Variants in FAM13A observed in about 807,000 individuals in gnomAD.
The protein encoded by FAM13A is family with sequence similarity 13 member A.
In FAM13A, 76 loss-of-function variants were observed where a neutral mutation model predicts 129.6. The observed-to-expected ratio is 0.59, with a 90% CI of 0.49 to 0.71. The LOEUF is 0.71. Ranked by LOEUF, FAM13A falls within the 30% of genes least tolerant of loss-of-function variation. The pLI is 0.00. For missense variants in FAM13A, 1,108 were observed against 1,249.3 expected (o/e 0.89, Z 1.70); for synonymous variants, 443 against 449.9 (o/e 0.98, Z 0.20).
rs191809901 is a variant in FAM13A, at chr4:89,055,649, T to G, written c.27+1289A>C. Among the ~76,000 whole-genome samples the G allele has an allele frequency of 7.2e-5, 11 of 152,242 alleles. No homozygotes were observed. In the East Asian group the frequency reaches 1.5e-3, roughly 21 times the overall value. ...TTCTGTATTGTTTCTTTTATAAAGC[T>G]AGAAAAATAGAAGGGCCACCTCTGC... On this transcript the variant is annotated intron_variant, in intron 1 of 23. Coordinates refer to ENST00000264344, the MANE Select transcript of FAM13A (RefSeq NM_014883.4).
At chr4:89,015,111 C>T (rs559425265) in intron 3 of FAM13A, among the ~76,000 whole-genome samples, 74 of 152,234 alleles carry the variant, frequency 4.9e-4, no homozygotes, top group Non-Finnish European at 9.7e-4. Flanking sequence ...TCTCCTGTAG[C>T]GCTCCCAGGC....
intron 7 of FAM13A, chr4:88,823,192 T>C (rs1732377823): frequency 2.1e-6 from 3 of 1,453,160 alleles, no homozygotes; most frequent in East Asian, 4.9e-5. Flanking sequence ...TCCAAACTTC[T>C]TCAGGCAATG....
intron 5 of FAM13A, among the ~76,000 whole-genome samples, chr4:88,917,941 C>A (rs1379763023): frequency 6.6e-6 from 1 of 152,094 alleles, no homozygotes; most frequent in Non-Finnish European, 1.5e-5. Context: ...TGAGAAGACT[C>A]AAAAACTGAG....
At chr4:88,756,598 T>C (rs1452323618) in intron 14 of FAM13A, among the ~76,000 whole-genome samples, 6 of 152,196 alleles carry the variant, frequency 3.9e-5, no homozygotes, top group African/African-American at 9.6e-5. Flanking sequence ...AGGAGGTTTT[T>C]GGTAATTATG....
At chr4:88,749,329 C>T (rs1027547239) in intron 16 of FAM13A, among the ~76,000 whole-genome samples, 2 of 152,118 alleles carry the variant, frequency 1.3e-5, no homozygotes, top group Admixed American at 6.6e-5. Flanking sequence ...ACCTGTAAGA[C>T]GAACAGTGTA....
At chr4:88,796,692 A>G (rs1395134600) in intron 8 of FAM13A, among the ~76,000 whole-genome samples, 1 of 149,764 alleles carries the variant, frequency 6.7e-6, no homozygotes, top group African/African-American at 2.4e-5. Context: ...ACTCTTTTGC[A>G]AATGGTATAG....
intron 13 of FAM13A, chr4:88,759,598 G>A (rs990813966): frequency 2.6e-5 from 4 of 152,134 alleles, no homozygotes; most frequent in African/African-American, 4.8e-5. Flanking sequence ...ATTACACAGG[G>A]AGCAATTTTT....
intron 5 of FAM13A, among the ~76,000 whole-genome samples, chr4:88,924,093 AG>A (rs1217697601): frequency 6.6e-6 from 1 of 152,236 alleles, no homozygotes; most frequent in Non-Finnish European, 1.5e-5. Flanking sequence ...GCTCATGGGT[AG>A]GAAGAATCAA....
intron 2 of FAM13A, among the ~76,000 whole-genome samples, chr4:89,028,815 A>G (rs1455372934): frequency 1.3e-5 from 2 of 152,054 alleles, no homozygotes; most frequent in African/African-American, 4.8e-5. Flanking sequence ...CATTCTCTCA[A>G]CTTATCCAGA....
chr4:88,977,147 A>G lies in FAM13A; in HGVS notation c.605+13826T>C, dbSNP rs1299829142. 2.0e-5 allele frequency among the ~76,000 whole-genome samples: 3 copies of G among 152,202 alleles called. No individual in the cohort carries two copies. In the East Asian group the frequency reaches 5.8e-4, roughly 29 times the overall value. On this transcript the variant is annotated intron_variant, in intron 4 of 23. Coordinates refer to ENST00000264344, the MANE Select transcript of FAM13A (RefSeq NM_014883.4). The stretch of plus-strand genomic sequence containing the variant: ...GTACAGTAAGAGGTTAACAACAATA[A>G]CTAATAGTAAAATAGAACAATTACA...
Position 88,747,703 on chromosome 4 carries a change from T to C in FAM13A, c.2310A>G (p.Glu770=). ...LVDKAIKPSV[E]ATLESIQRKL... ...TCCTCTGAATAGATTCCAATGTGGC[T>C]TCAACACTGGGCTTTATTGCTTTAT... is the stretch of plus-strand genomic sequence containing the variant. Residue 770 remains glutamate (E), a synonymous_variant, in exon 18 of 24, where the codon GAA becomes GAG. Transcript: ENST00000264344. 3 of 1,614,188 alleles carry C rather than the reference T, an allele frequency of 1.9e-6. No homozygotes were observed. Among genetic ancestry groups the C allele is most frequent in the Non-Finnish European group, 2.5e-6 (3 of 1,180,018 alleles).
At chr4:88,919,261 G>A (rs1579274917) in intron 5 of FAM13A, among the ~76,000 whole-genome samples, 1 of 152,190 alleles carries the variant, frequency 6.6e-6, no homozygotes, top group East Asian at 1.9e-4. Context: ...AGTATTCAGG[G>A]TTGCCATGTA....
chr4:88,961,905 C>T (rs916612914), intron 4 of FAM13A, among the ~76,000 whole-genome samples: 1 of 151,136 alleles, frequency 6.6e-6, no homozygotes, highest in Non-Finnish European at 1.5e-5. Flanking sequence ...TTTTATCAAG[C>T]CATGGAAAGT....
chr4:89,005,484 A>G (rs1468054894), intron 3 of FAM13A, among the ~76,000 whole-genome samples: 3 of 152,280 alleles, frequency 2.0e-5, no homozygotes, highest in Middle Eastern at 3.4e-3. Context: ...GTCTTTGAGG[A>G]ATTGCCACAC....
chr4:88,977,576 G>C (rs1247447277), intron 4 of FAM13A, among the ~76,000 whole-genome samples: 3 of 152,038 alleles, frequency 2.0e-5, no homozygotes, highest in Non-Finnish European at 4.4e-5. Flanking sequence ...ATTTCATATA[G>C]AAATTCAAAT....
At chr4:88,823,632 T>C (rs953372515) in intron 7 of FAM13A, among the ~76,000 whole-genome samples, 1 of 152,236 alleles carries the variant, frequency 6.6e-6, no homozygotes, top group African/African-American at 2.4e-5. Context: ...AGAGTTATGT[T>C]GCGTCCCCTT....
intron 21 of FAM13A, among the ~76,000 whole-genome samples, chr4:88,733,105 A>G (rs1000614889): frequency 6.6e-6 from 1 of 152,246 alleles, no homozygotes; most frequent in African/African-American, 2.4e-5. Context: ...CATAGCACCA[A>G]TTATTACAGG....
At chr4:88,820,494 A>G (rs1387950995) in intron 7 of FAM13A, among the ~76,000 whole-genome samples, 1 of 152,242 alleles carries the variant, frequency 6.6e-6, no homozygotes, top group Non-Finnish European at 1.5e-5. Context: ...TTTAATAGGT[A>G]AAACTGACAA....
Position 88,951,412 on chromosome 4 carries a change from T to C in FAM13A, c.606-13171A>G, listed in dbSNP as rs555049767. 1.1e-3 allele frequency among the ~76,000 whole-genome samples: 173 copies of C among 152,170 alleles called. 1 individual carries two copies. Among genetic ancestry groups the C allele is most frequent in the African/African-American group, 4.0e-3 (164 of 41,448 alleles). ...TTTAAAGCAGGAGGGAAAATATCAT[T>C]TTTCCTTTAAATATACTCAGGATCT... On this transcript the variant is annotated intron_variant, in intron 4 of 23. Coordinates refer to ENST00000264344, the MANE Select transcript of FAM13A (RefSeq NM_014883.4).
Sources: gnomAD v4.1 joint callset for allele counts (sites outside exome capture counted in the v4.1 genomes callset) on GRCh38, gnomAD v4.1.1 for gene constraint, MANE v1.5 for transcripts, NCBI Gene and HGNC (gene_info 2026-07-23, HGNC 2026-07-21) for gene names.